Variants in ARHGAP44 observed in about 807,000 individuals in gnomAD.
ARHGAP44 encodes rho GTPase-activating protein 44.
In ARHGAP44, 43 loss-of-function variants were observed where a neutral mutation model predicts 106.8. The observed-to-expected ratio is 0.40, with a 90% CI of 0.32 to 0.52. The LOEUF (loss-of-function observed/expected upper bound fraction) is 0.52, where lower values mean the gene tolerates loss of function less well. ARHGAP44 is among the 20% of genes least tolerant of loss of function. ARHGAP44 has a pLI of 0.48. For synonymous variants in ARHGAP44, 439 were observed against 410.3 expected (o/e 1.07, Z -0.85); for missense variants, 866 against 1,050.5 (o/e 0.82, Z 2.43).
Position 12,834,188 on chromosome 17 carries a change from T to G in ARHGAP44, c.53+44297T>G, listed in dbSNP as rs146921840. The stretch of plus-strand genomic sequence containing the variant: ...TTTAGAATTTTAAGCATTTTAACTC[T>G]CAGGAGCTGCTCCTCTCTCCCCTCT... On this transcript the variant is annotated intron_variant, in intron 1 of 20. Transcript: ENST00000379672. 5.0e-3 allele frequency among the ~76,000 whole-genome samples: 767 copies of G among 152,216 alleles called. 8 individuals are homozygous for G. The highest frequency in any genetic ancestry group is 0.018 in the African/African-American group (731 of 41,534).
chr17:12,934,515 G>A (rs1202366334), intron 7 of ARHGAP44, among the ~76,000 whole-genome samples: 3 of 152,176 alleles, frequency 2.0e-5, no homozygotes, highest in Non-Finnish European at 4.4e-5. Context: ...AAGCATTTAC[G>A]TTACTTCAGA....
intron 1 of ARHGAP44, among the ~76,000 whole-genome samples, chr17:12,811,453 C>T (rs573962459): frequency 6.6e-6 from 1 of 152,168 alleles, no homozygotes; most frequent in South Asian, 2.1e-4. Flanking sequence ...GTTGGTCTTG[C>T]TGTCTCAAGG....
chr17:12,968,953 T>C (rs996911241), intron 16 of ARHGAP44, among the ~76,000 whole-genome samples: 1 of 152,034 alleles, frequency 6.6e-6, no homozygotes, highest in Non-Finnish European at 1.5e-5. Context: ...GTATTTTTAG[T>C]AGAGATGGGG....
At chr17:12,833,230 C>T (rs1292803381) in intron 1 of ARHGAP44, among the ~76,000 whole-genome samples, 1 of 152,148 alleles carries the variant, frequency 6.6e-6, no homozygotes, top group Non-Finnish European at 1.5e-5. Context: ...CTCTGAGTAT[C>T]CTTGAATAGT....
At chr17:12,813,353 G>A (rs2034495603) in intron 1 of ARHGAP44, among the ~76,000 whole-genome samples, 1 of 151,786 alleles carries the variant, frequency 6.6e-6, no homozygotes, top group Non-Finnish European at 1.5e-5. Flanking sequence ...TAAAAATAAG[G>A]AGACAGCAGG....
intron 1 of ARHGAP44, among the ~76,000 whole-genome samples, chr17:12,885,795 T>C (rs1160113638): frequency 6.6e-6 from 1 of 152,174 alleles, no homozygotes; most frequent in Admixed American, 6.5e-5. Context: ...AATTTCTCTC[T>C]TTTTCTGAGT....
intron 1 of ARHGAP44, among the ~76,000 whole-genome samples, chr17:12,846,098 G>GAAAA (rs200182544): frequency 1.2e-4 from 18 of 145,008 alleles, no homozygotes; most frequent in South Asian, 1.1e-3. Flanking sequence ...TGGTTTCCAG[G>GAAAA]AAAAAAAAAA....
intron 1 of ARHGAP44, among the ~76,000 whole-genome samples, chr17:12,805,436 A>G (rs2034244370): frequency 6.6e-6 from 1 of 152,140 alleles, no homozygotes; most frequent in South Asian, 2.1e-4. Context: ...TGGCCCCTAA[A>G]TTGAGTTTTT....
intron 17 of ARHGAP44, 176 bp from the exon 18 acceptor site, chr17:12,973,913 C>G: frequency 4.2e-6 from 3 of 709,882 alleles, no homozygotes; most frequent in Non-Finnish European, 7.2e-6. Context: ...TCTTGGCCGC[C>G]GGGAGCAGCC....
chr17:12,884,442 A>G (rs2036826901), intron 1 of ARHGAP44, among the ~76,000 whole-genome samples: 2 of 152,232 alleles, frequency 1.3e-5, no homozygotes, highest in Non-Finnish European at 1.5e-5. Context: ...AAAATCTGCT[A>G]AGAGCTTAGA....
chr17:12,966,022 G>T (rs1016369309), intron 16 of ARHGAP44, among the ~76,000 whole-genome samples: 2 of 152,080 alleles, frequency 1.3e-5, no homozygotes, highest in African/African-American at 4.8e-5. Flanking sequence ...AGGCATGGTG[G>T]CACACACCTA....
chr17:12,938,448 G>C (rs972743760), intron 7 of ARHGAP44, among the ~76,000 whole-genome samples: 3 of 152,002 alleles, frequency 2.0e-5, no homozygotes, highest in African/African-American at 7.2e-5. Context: ...ATATAGATCA[G>C]TAAAAAAAAG....
At chr17:12,900,422 C>T (rs1220258389) in intron 3 of ARHGAP44, among the ~76,000 whole-genome samples, 3 of 151,980 alleles carry the variant, frequency 2.0e-5, no homozygotes, top group African/African-American at 4.8e-5. Context: ...CCACCACACC[C>T]GGCCTCCATG....
At position 12,896,487 on chromosome 17, in the gene ARHGAP44, A is replaced by G; in HGVS notation, c.174A>G (p.Gln58=). 1 of 1,607,518 alleles carries G rather than the reference A, an allele frequency of 6.2e-7. No individual in the cohort carries two copies. The highest frequency in any genetic ancestry group is 1.7e-4 in the Middle Eastern group (1 of 6,056). The change falls in exon 3 of 21, where the codon CAA becomes CAG. Residue 58 remains glutamine (Q), a synonymous_variant. Coordinates refer to ENST00000379672, the MANE Select transcript of ARHGAP44 (RefSeq NM_014859.6). ...KKLTACLQGQ[Q]GAEADKRSKK... ...TCACCGCATGTCTGCAGGGCCAGCAAGGGGCAGAGGCTGACAAGCGCTCCG... is the reference window on the plus strand; with the variant it reads ...TCACCGCATGTCTGCAGGGCCAGCAGGGGGCAGAGGCTGACAAGCGCTCCG...
intron 1 of ARHGAP44, among the ~76,000 whole-genome samples, chr17:12,847,479 C>T (rs908633986): frequency 6.7e-6 from 1 of 150,354 alleles, no homozygotes; most frequent in Non-Finnish European, 1.5e-5. Flanking sequence ...AGCCTCAGCC[C>T]TCCCCTACAC....
intron 6 of ARHGAP44, among the ~76,000 whole-genome samples, chr17:12,924,617 T>A (rs538203914): frequency 1.3e-5 from 2 of 152,300 alleles, no homozygotes; most frequent in Non-Finnish European, 2.9e-5. Flanking sequence ...CCAATGCGAC[T>A]GTATCTGGAG....
chr17:12,850,257 C>T (rs1020863982), intron 1 of ARHGAP44, among the ~76,000 whole-genome samples: 2 of 152,178 alleles, frequency 1.3e-5, no homozygotes, highest in African/African-American at 2.4e-5. Context: ...TGATAAGGAC[C>T]TGGGGCCAAG....
chr17:12,825,144 C>G (rs1159767972), intron 1 of ARHGAP44, among the ~76,000 whole-genome samples: 2 of 151,994 alleles, frequency 1.3e-5, no homozygotes, highest in African/African-American at 4.8e-5. Context: ...TAAAGTGATC[C>G]TCCTACTTCA....
At chr17:12,935,514 G>A (rs1469870470) in intron 7 of ARHGAP44, among the ~76,000 whole-genome samples, 1 of 149,690 alleles carries the variant, frequency 6.7e-6, no homozygotes, top group East Asian at 2.0e-4. Flanking sequence ...AGGTTGCAGT[G>A]AGCTGAGATT....
Sources: allele counts gnomAD v4.1 joint callset (sites outside exome capture counted in the v4.1 genomes callset), GRCh38; gene constraint gnomAD v4.1.1; transcripts MANE v1.5; gene names NCBI Gene and HGNC (gene_info 2026-07-23, HGNC 2026-07-21).